The following NR3C2 variants were observed in gnomAD, a reference collection of about 807,000 sequenced individuals.
The protein encoded by NR3C2 is mineralocorticoid receptor.
A neutral mutation model predicts 86.4 loss-of-function variants in NR3C2; 15 were observed. The observed-to-expected ratio is 0.17, with a 90% CI of 0.12 to 0.27. NR3C2 has a LOEUF of 0.27. Ranked by LOEUF, NR3C2 falls within the 10% of genes least tolerant of loss-of-function variation. The pLI, the probability that NR3C2 is intolerant of heterozygous loss-of-function variation, is 1.00. For missense variants in NR3C2, 960 were observed against 1,195.6 expected (o/e 0.80, Z 2.91); for synonymous variants, 458 against 450.5 (o/e 1.02, Z -0.21).
intron 8 of NR3C2, among the ~76,000 whole-genome samples, chr4:148,100,273 G>A (rs1474385263): frequency 6.6e-6 from 1 of 152,036 alleles, no homozygotes; most frequent in Admixed American, 6.6e-5. Context: ...CAAAACAAAC[G>A]AAGTGAAAAC....
chr4:148,397,329 A>C (rs1377387464), intron 2 of NR3C2, among the ~76,000 whole-genome samples: 1 of 152,194 alleles, frequency 6.6e-6, no homozygotes, highest in Non-Finnish European at 1.5e-5. Flanking sequence ...ATCGTGGCTG[A>C]CTGTCCTTCA....
chr4:148,314,384 G>C (rs1170228183), intron 2 of NR3C2, among the ~76,000 whole-genome samples: 1 of 151,980 alleles, frequency 6.6e-6, no homozygotes, highest in Non-Finnish European at 1.5e-5. Context: ...AGAACTCTTT[G>C]CATTTGAGAG....
chr4:148,330,016 A>G (rs1259354604), intron 2 of NR3C2, among the ~76,000 whole-genome samples: 6 of 152,198 alleles, frequency 3.9e-5, no homozygotes, highest in Non-Finnish European at 8.8e-5. Flanking sequence ...AACAATGTCA[A>G]CATTTCTGCA....
intron 3 of NR3C2, among the ~76,000 whole-genome samples, chr4:148,237,821 C>A (rs1467201425): frequency 6.6e-6 from 1 of 151,922 alleles, no homozygotes; most frequent in Admixed American, 6.6e-5. Flanking sequence ...ATGCTAAAAC[C>A]ATTTCTGAAT....
At chr4:148,416,824 G>A (rs1186207021) in intron 2 of NR3C2, among the ~76,000 whole-genome samples, 1 of 151,610 alleles carries the variant, frequency 6.6e-6, no homozygotes, top group East Asian at 1.9e-4. Context: ...TGCCCAGGCT[G>A]GAGTGCAATG....
chr4:148,318,719 GGTT>G (rs1156593306), intron 2 of NR3C2, among the ~76,000 whole-genome samples: 2 of 145,600 alleles, frequency 1.4e-5, no homozygotes, highest in Non-Finnish European at 3.1e-5. Context: ...TTTTTGATGG[GGTT>G]GTTTGTTTTT....
At chr4:148,271,069 A>G (rs1740658954) in intron 2 of NR3C2, among the ~76,000 whole-genome samples, 1 of 152,164 alleles carries the variant, frequency 6.6e-6, no homozygotes, top group African/African-American at 2.4e-5. Flanking sequence ...TATGGTGGTC[A>G]TAGGTCTTCA....
At chr4:148,213,141 T>G (rs1579020003) in intron 3 of NR3C2, among the ~76,000 whole-genome samples, 1 of 151,792 alleles carries the variant, frequency 6.6e-6, no homozygotes, top group Non-Finnish European at 1.5e-5. Flanking sequence ...TGATGGGTTT[T>G]TTTTTTTTTA....
intron 2 of NR3C2, among the ~76,000 whole-genome samples, chr4:148,366,499 ATAC>A (rs1746150717): frequency 2.2e-5 from 2 of 89,648 alleles, no homozygotes. Context: ...TTAAAAAAGA[ATAC>A]TAAGATATTC....
chr4:148,095,182 C>A (rs1162422435), intron 8 of NR3C2, among the ~76,000 whole-genome samples: 1 of 152,168 alleles, frequency 6.6e-6, no homozygotes, highest in African/African-American at 2.4e-5. Context: ...GTATATTCCA[C>A]AATAAATATT....
At chr4:148,255,079 C>A (rs901729642) in intron 3 of NR3C2, among the ~76,000 whole-genome samples, 5 of 152,152 alleles carry the variant, frequency 3.3e-5, no homozygotes, top group South Asian at 2.1e-4. Flanking sequence ...ACTGCCCCCC[C>A]CCAACACACA....
intron 3 of NR3C2, among the ~76,000 whole-genome samples, chr4:148,250,094 G>A (rs1739503930): frequency 1.3e-5 from 2 of 151,972 alleles, no homozygotes; most frequent in African/African-American, 4.8e-5. Flanking sequence ...GCAGACTCTG[G>A]AAAAAATGTA....
At position 148,152,482 on chromosome 4, in the gene NR3C2, G is replaced by C; in HGVS notation, c.2497C>G (p.Leu833Val). 1 of 1,613,916 alleles carries C rather than the reference G, an allele frequency of 6.2e-7. No individual in the cohort carries two copies. Among genetic ancestry groups the C allele is most frequent in the Non-Finnish European group, 8.5e-7 (1 of 1,179,892 alleles). Residue 833 changes from leucine (L) to valine (V), a missense_variant, in exon 6 of 9, where the codon CTA becomes GTA. Coordinates refer to ENST00000358102, the MANE Select transcript of NR3C2 (RefSeq NM_000901.5). ...ATAGGTACTTACTCATTAAAGACTA[G>C]GTCTGGTGCAAAATAGAGAAATTGG... ...NSQFLYFAPD[L>V]VFNEEKMHQS...
At chr4:148,133,758 C>T (rs1041044793) in intron 6 of NR3C2, among the ~76,000 whole-genome samples, 8 of 152,154 alleles carry the variant, frequency 5.3e-5, no homozygotes, top group African/African-American at 1.9e-4. Context: ...ACAATTGTGC[C>T]TCCAAGGCGA....
chr4:148,154,965 TG>T, intron 4 of NR3C2, 64 bp from the exon 5 acceptor site: 1 of 1,301,436 alleles, frequency 7.7e-7, no homozygotes, highest in Non-Finnish European at 1.1e-6. Flanking sequence ...TGACTCACAC[TG>T]GTTAAAGTAC....
chr4:148,106,378 G>A (rs978371988), intron 8 of NR3C2, among the ~76,000 whole-genome samples: 14 of 152,102 alleles, frequency 9.2e-5, no homozygotes, highest in African/African-American at 1.9e-4. Flanking sequence ...ACAAACAAAC[G>A]GAAAAACATT....
At chr4:148,188,462 C>A (rs1159868229) in intron 4 of NR3C2, among the ~76,000 whole-genome samples, 1 of 152,016 alleles carries the variant, frequency 6.6e-6, no homozygotes, top group Non-Finnish European at 1.5e-5. Context: ...TAGGTATATT[C>A]CTACACATTT....
At chr4:148,181,800 T>C (rs971008536) in intron 4 of NR3C2, among the ~76,000 whole-genome samples, 2 of 152,218 alleles carry the variant, frequency 1.3e-5, no homozygotes, top group African/African-American at 4.8e-5. Context: ...GCATGCTGCC[T>C]ACAGCCCAGC....
intron 2 of NR3C2, among the ~76,000 whole-genome samples, chr4:148,420,793 A>G (rs560474562): frequency 6.6e-6 from 1 of 152,100 alleles, no homozygotes; most frequent in East Asian, 1.9e-4. Context: ...TTCTCATGAG[A>G]TCTGGTTATT....
Sources: allele counts gnomAD v4.1 joint callset (sites outside exome capture counted in the v4.1 genomes callset), GRCh38; gene constraint gnomAD v4.1.1; transcripts MANE v1.5; gene names NCBI Gene and HGNC (gene_info 2026-07-23, HGNC 2026-07-21).